Variants in TIAL1 observed in about 807,000 individuals in gnomAD.
TIAL1 encodes the protein TIA1 cytotoxic granule associated RNA binding protein like 1.
TIAL1 carries 7 observed loss-of-function variants against 59.7 expected under a neutral mutation model. The observed-to-expected ratio is 0.12, with a 90% CI of 0.07 to 0.22. TIAL1 has a LOEUF of 0.22. Among genes scored for constraint, TIAL1 ranks in the 10% least tolerant of loss-of-function variants. TIAL1 has a pLI of 1.00. For synonymous variants in TIAL1, 149 were observed against 146.3 expected (o/e 1.02, Z -0.13); for missense variants, 225 against 462.5 (o/e 0.49, Z 4.71).
chr10:119,578,920 G>T, intron 6 of TIAL1, 86 bp from the exon 7 acceptor site: 1 of 989,640 alleles, frequency 1.0e-6, no homozygotes, highest in Non-Finnish European at 1.6e-6. Flanking sequence ...GGCGCTGCTG[G>T]TTCCATACAA....
intron 1 of TIAL1, among the ~76,000 whole-genome samples, chr10:119,592,894 G>A (rs548870305): frequency 2.0e-5 from 3 of 152,262 alleles, no homozygotes; most frequent in African/African-American, 7.2e-5. Context: ...GGTATAGCCA[G>A]TCAATTTTGT....
rs960639157 is a variant in TIAL1 at position 119,588,074 on chromosome 10, G to A, written c.129+78C>T. On this transcript the variant is annotated intron_variant, in intron 2 of 11. Coordinates refer to ENST00000436547, the MANE Select transcript of TIAL1 (RefSeq NM_003252.4). ...AATCTCTCCACCAGAATAACTTGAG[G>A]CTTACAATGAAATTTTAAAATCATG... 4 of 817,766 alleles carry A rather than the reference G, an allele frequency of 4.9e-6. No homozygotes were observed. The African/African-American group carries it at 5.3e-5, about 11-fold the overall frequency. The allele number at this position is 817,766 out of a possible 1,614,324, so 50.7% of individuals were successfully genotyped here.
At chr10:119,578,621 A>G in intron 7 of TIAL1, 105 bp downstream of exon 7, 4 of 1,026,144 alleles carry the variant, frequency 3.9e-6, no homozygotes, top group Non-Finnish European at 6.0e-6. Context: ...ACAGAGCAAG[A>G]CCCTGTCTCT....
At position 119,596,036 on chromosome 10, in the gene TIAL1, C is replaced by T. The variant is rs1846164443; in HGVS notation, c.32+398G>A. On this transcript the variant is annotated intron_variant, in intron 1 of 11. Coordinates refer to ENST00000436547, the MANE Select transcript of TIAL1 (RefSeq NM_003252.4). ...GGGCCCGCGGGGCCCACCCCCGGGC[C>T]CACCCCCAATCCTACCCCCGCCAGG... 2.6e-5 allele frequency among the ~76,000 whole-genome samples: 4 copies of T among 151,748 alleles called. No individual in the cohort carries two copies. In the South Asian group the frequency reaches 8.3e-4, roughly 32 times the overall value.
chr10:119,591,221 T>C (rs1213842618), intron 1 of TIAL1, among the ~76,000 whole-genome samples: 2 of 151,970 alleles, frequency 1.3e-5, no homozygotes, highest in Non-Finnish European at 2.9e-5. Context: ...CTGGCCAACA[T>C]GGTGAAACCC....
At chr10:119,583,857 A>C (rs1406329777) in intron 2 of TIAL1, among the ~76,000 whole-genome samples, 1 of 152,238 alleles carries the variant, frequency 6.6e-6, no homozygotes, top group African/African-American at 2.4e-5. Flanking sequence ...TAAAGAAAGG[A>C]AATGGGGGAA....
At chr10:119,576,508 G>T in intron 11 of TIAL1, 103 bp downstream of exon 11, 2 of 1,437,378 alleles carry the variant, frequency 1.4e-6, no homozygotes, top group Non-Finnish European at 9.4e-7. Context: ...ATGCCAAATA[G>T]CTCAATGTAT....
At chr10:119,594,144 C>A (rs550041255) in intron 1 of TIAL1, among the ~76,000 whole-genome samples, 2 of 150,870 alleles carry the variant, frequency 1.3e-5, no homozygotes, top group South Asian at 4.2e-4. Flanking sequence ...CACGTACTGA[C>A]ATACAAAACA....
intron 1 of TIAL1, chr10:119,588,490 C>T (rs1845687004): frequency 3.8e-6 from 1 of 265,918 alleles, no homozygotes; most frequent in Non-Finnish European, 7.1e-6. Context: ...ATTACAGGCG[C>T]ATGCCACCAT....
intron 1 of TIAL1, 49 bp downstream of exon 1, chr10:119,596,385 C>T (rs780347507): frequency 1.9e-6 from 3 of 1,607,192 alleles, no homozygotes; most frequent in Non-Finnish European, 2.6e-6. Flanking sequence ...TAGCGTCCCG[C>T]GGTGCCCGGG....
chr10:119,588,320 C>A (rs11199031), intron 1 of TIAL1, 72 bp from the exon 2 acceptor site: 37,828 of 838,550 alleles, frequency 0.045, 1,012 homozygotes, highest in Middle Eastern at 0.083. Flanking sequence ...TCATCTAATT[C>A]ATCACCTTTT....
intron 5 of TIAL1, 156 bp downstream of exon 5, chr10:119,581,766 A>G (rs1164709999): frequency 1.8e-6 from 1 of 571,100 alleles, no homozygotes; most frequent in Non-Finnish European, 3.0e-6. Flanking sequence ...TTTCAACAAC[A>G]TCCACTACTC....
chr10:119,596,233 G>A (rs1846180775), intron 1 of TIAL1, among the ~76,000 whole-genome samples: 1 of 152,296 alleles, frequency 6.6e-6, no homozygotes, highest in African/African-American at 2.4e-5. Context: ...CCAGACCCCA[G>A]GAAGTGACTG....
intron 1 of TIAL1, among the ~76,000 whole-genome samples, chr10:119,595,230 C>T (rs1846104780): frequency 6.6e-6 from 1 of 151,998 alleles, no homozygotes; most frequent in Non-Finnish European, 1.5e-5. Context: ...TTCTCGAGTG[C>T]CCCTCCACCT....
intron 9 of TIAL1, 87 bp from the exon 10 acceptor site, chr10:119,577,290 T>C (rs1362877492): frequency 6.7e-7 from 1 of 1,492,668 alleles, no homozygotes; most frequent in East Asian, 2.3e-5. Context: ...AGTTTACACC[T>C]GCAAGTTGGT....
At chr10:119,588,636 G>A (rs558311760) in intron 1 of TIAL1, among the ~76,000 whole-genome samples, 68 of 152,184 alleles carry the variant, frequency 4.5e-4, no homozygotes, top group African/African-American at 1.5e-3. Flanking sequence ...GAGCCACTGC[G>A]CCCGGCCACC....
intron 1 of TIAL1, among the ~76,000 whole-genome samples, chr10:119,589,922 A>G (rs181856944): frequency 4.6e-5 from 7 of 152,338 alleles, no homozygotes; most frequent in Non-Finnish European, 8.8e-5. Context: ...TTCTACTTGT[A>G]ATATATTACA....
In TIAL1 at chr10:119,589,621, G is replaced by C. The variant is rs192751392; in HGVS notation, c.33-1373C>G. 1.8e-4 allele frequency among the ~76,000 whole-genome samples: 28 copies of C among 152,096 alleles called. No homozygotes were observed. In the East Asian group the frequency reaches 4.8e-3, roughly 26 times the overall value. On this transcript the variant is annotated intron_variant, in intron 1 of 11. Transcript: ENST00000436547. ...TTGACTATGGACACTTAAAAATTTGGGTTTTTTTTCCTAATTACAATTGAA... is the reference window on the plus strand; with the variant it reads ...TTGACTATGGACACTTAAAAATTTGCGTTTTTTTTCCTAATTACAATTGAA...
At position 119,577,447 on chromosome 10, in the gene TIAL1, T is replaced by C. The variant is rs766911122; in HGVS notation, c.737+4A>G. 21 of 1,606,838 alleles carry C rather than the reference T, an allele frequency of 1.3e-5. No individual in the cohort carries two copies. Among genetic ancestry groups the C allele is most frequent in the Non-Finnish European group, 1.8e-5 (21 of 1,174,032 alleles). On this transcript the variant is annotated splice_donor_region_variant and intron_variant, in intron 9 of 11. Transcript: ENST00000436547. ...TAATAATGATATTTCAAGTAGAGTG[T>C]TACCTGACAAATGAATAGCCCTTTT...
Sources: gnomAD v4.1 joint callset for allele counts (sites outside exome capture counted in the v4.1 genomes callset) on GRCh38, gnomAD v4.1.1 for gene constraint, MANE v1.5 for transcripts, NCBI Gene and HGNC (gene_info 2026-07-23, HGNC 2026-07-21) for gene names.